The following MRPS28 variants were observed in gnomAD, a reference collection of about 807,000 sequenced individuals.
The protein encoded by MRPS28 is small ribosomal subunit protein bS1m.
A neutral mutation model predicts 10.8 loss-of-function variants in MRPS28; 7 were observed. That is an observed-to-expected ratio of 0.65 (90% CI 0.37 to 1.22). MRPS28 has a LOEUF of 1.22. Ranked by LOEUF, MRPS28 falls within the 50% of genes most tolerant of loss-of-function variation. The pLI, the probability that MRPS28 is intolerant of heterozygous loss-of-function variation, is 0.02. For missense variants in MRPS28, 265 were observed against 232.9 expected (o/e 1.14, Z -0.90); for synonymous variants, 121 against 93.3 (o/e 1.30, Z -1.71).
chr8:79,932,003 T>G (rs931770470), intron 2 of MRPS28, among the ~76,000 whole-genome samples: 5 of 152,186 alleles, frequency 3.3e-5, no homozygotes, highest in African/African-American at 7.2e-5. Context: ...GAAAAGAATA[T>G]GAGTCTTGAG....
chr8:79,993,650 A>G (rs1808422563), intron 2 of MRPS28, among the ~76,000 whole-genome samples: 1 of 152,164 alleles, frequency 6.6e-6, no homozygotes, highest in Non-Finnish European at 1.5e-5. Context: ...CTTCTATCCT[A>G]AAAAAGACTG....
chr8:79,964,521 T>C (rs1195108010), intron 2 of MRPS28, among the ~76,000 whole-genome samples: 2 of 152,124 alleles, frequency 1.3e-5, no homozygotes, highest in Non-Finnish European at 1.5e-5. Flanking sequence ...ATCACATCTG[T>C]ATTTAAGCAT....
chr8:80,004,227 G>A (rs1808756796), intron 1 of MRPS28, among the ~76,000 whole-genome samples: 1 of 152,210 alleles, frequency 6.6e-6, no homozygotes, highest in African/African-American at 2.4e-5. Flanking sequence ...CTAACTGGGA[G>A]GCACCCCCAA....
Position 79,959,900 on chromosome 8 carries a change from T to C in MRPS28, c.396-40752A>G, listed in dbSNP as rs776351236. Among the ~76,000 whole-genome samples, 8 of 152,158 alleles carry C rather than the reference T, an allele frequency of 5.3e-5. No individual in the cohort carries two copies. The East Asian group carries it at 1.5e-3, about 29-fold the overall frequency. On this transcript the variant is annotated intron_variant, in intron 2 of 2. Transcript: ENST00000276585. ...TTATCAAGAAAGCAACAATAAACTA[T>C]GTACTTTCTCTTCTTGAAAAAGCAC...
At chr8:79,928,166 A>G (rs556895049) in intron 2 of MRPS28, among the ~76,000 whole-genome samples, 15 of 151,196 alleles carry the variant, frequency 9.9e-5, no homozygotes, top group South Asian at 2.1e-4. Context: ...TCTACAAAAT[A>G]AAAAAAAATT....
intron 2 of MRPS28, among the ~76,000 whole-genome samples, chr8:79,970,567 A>G (rs1807605918): frequency 6.6e-6 from 1 of 152,174 alleles, no homozygotes; most frequent in Non-Finnish European, 1.5e-5. Context: ...AGTCTGTTAG[A>G]CAAAGACTTC....
At chr8:79,987,683 C>T (rs1302253305) in intron 2 of MRPS28, among the ~76,000 whole-genome samples, 10 of 152,166 alleles carry the variant, frequency 6.6e-5, no homozygotes, top group South Asian at 2.1e-4. Context: ...AAAATGCTCA[C>T]CATCACTGGC....
At chr8:79,958,165 C>A (rs963899936) in intron 2 of MRPS28, 4 of 492,276 alleles carry the variant, frequency 8.1e-6, no homozygotes, top group African/African-American at 2.0e-5. Context: ...AATCTCTCCC[C>A]CTCCCCTATT....
chr8:79,948,483 C>T (rs1806987997), intron 2 of MRPS28, among the ~76,000 whole-genome samples: 1 of 152,176 alleles, frequency 6.6e-6, no homozygotes, highest in South Asian at 2.1e-4. Context: ...CCTTACAACT[C>T]TAGCTATGAC....
intron 1 of MRPS28, among the ~76,000 whole-genome samples, chr8:80,011,758 C>G (rs901291683): frequency 2.6e-5 from 4 of 151,556 alleles, no homozygotes; most frequent in Admixed American, 6.6e-5. Context: ...CAAAAAAAAA[C>G]AACAAAAAAC....
At chr8:79,923,095 G>C (rs1332531870) in intron 2 of MRPS28, among the ~76,000 whole-genome samples, 1 of 152,096 alleles carries the variant, frequency 6.6e-6, no homozygotes, top group Non-Finnish European at 1.5e-5. Flanking sequence ...GATGAAGTCA[G>C]TCACATTTTC....
chr8:79,932,520 G>A (rs1171087356), intron 2 of MRPS28, among the ~76,000 whole-genome samples: 1 of 152,192 alleles, frequency 6.6e-6, no homozygotes, highest in Non-Finnish European at 1.5e-5. Flanking sequence ...CAGACAGGAA[G>A]GCAGGAGGCA....
intron 2 of MRPS28, among the ~76,000 whole-genome samples, chr8:79,953,053 T>G (rs1415069887): frequency 1.3e-5 from 2 of 152,172 alleles, no homozygotes; most frequent in Non-Finnish European, 2.9e-5. Flanking sequence ...CAGCTGTCAG[T>G]GCAAAGTGGG....
chr8:79,933,193 TCA>T (rs931405747), intron 2 of MRPS28, among the ~76,000 whole-genome samples: 12 of 152,244 alleles, frequency 7.9e-5, no homozygotes, highest in Admixed American at 2.0e-4. Flanking sequence ...ATTTGTTTTC[TCA>T]CAGTTATGGA....
chr8:79,946,723 C>T (rs1296549430), intron 2 of MRPS28, among the ~76,000 whole-genome samples: 1 of 152,094 alleles, frequency 6.6e-6, no homozygotes, highest in Non-Finnish European at 1.5e-5. Context: ...ATTTTCCTAA[C>T]CTTTTCAGTA....
At chr8:79,972,811 A>AAT (rs1304319629) in intron 2 of MRPS28, among the ~76,000 whole-genome samples, 1 of 152,248 alleles carries the variant, frequency 6.6e-6, no homozygotes, top group Non-Finnish European at 1.5e-5. Flanking sequence ...CAGTATAGTG[A>AAT]ATATTTCCTT....
At chr8:80,021,397 G>T (rs1809361875) in intron 1 of MRPS28, among the ~76,000 whole-genome samples, 1 of 152,170 alleles carries the variant, frequency 6.6e-6, no homozygotes, top group South Asian at 2.1e-4. Context: ...TGTAATAGTG[G>T]TATATCGTGG....
In MRPS28 at chr8:79,964,279, C is replaced by T. The variant is rs1280037566; in HGVS notation, c.395+38720G>A. On this transcript the variant is annotated intron_variant, in intron 2 of 2. Transcript: ENST00000276585. ...AATATCATATTGTCCCAAGCACATA[C>T]ACATCTCTCTTTAGGCCCACTTCCC... 2.6e-5 allele frequency among the ~76,000 whole-genome samples: 4 copies of T among 152,098 alleles called. No homozygotes were observed. The East Asian group carries it at 7.7e-4, about 29-fold the overall frequency.
chr8:79,993,820 C>G (rs1430566591), intron 2 of MRPS28, among the ~76,000 whole-genome samples: 1 of 152,152 alleles, frequency 6.6e-6, no homozygotes, highest in Non-Finnish European at 1.5e-5. Flanking sequence ...ACCTTGAAAA[C>G]TTTAGTTTTT....
Sources: gnomAD v4.1 joint callset for allele counts (sites outside exome capture counted in the v4.1 genomes callset) on GRCh38, gnomAD v4.1.1 for gene constraint, MANE v1.5 for transcripts, NCBI Gene and HGNC (gene_info 2026-07-23, HGNC 2026-07-21) for gene names.